Variants in MCTP1 observed in about 807,000 individuals in gnomAD.
MCTP1 encodes multiple C2 and transmembrane domain-containing protein 1.
MCTP1 carries 69 observed loss-of-function variants against 120.6 expected under a neutral mutation model. The ratio of observed to expected loss-of-function variants is 0.57; its 90% CI spans 0.47 to 0.70. The LOEUF is 0.70. Among genes scored for constraint, MCTP1 ranks in the 30% least tolerant of loss-of-function variants. MCTP1 has a pLI of 0.00. For missense variants in MCTP1, 1,203 were observed against 1,248.8 expected, an observed-to-expected ratio of 0.96 and a Z score of 0.55; for synonymous variants, 529 against 493.1, an observed-to-expected ratio of 1.07 and a Z score of -0.96.
intron 2 of MCTP1, among the ~76,000 whole-genome samples, chr5:94,961,305 G>C (rs1421942439): frequency 6.6e-6 from 1 of 152,092 alleles, no homozygotes; most frequent in Non-Finnish European, 1.5e-5. Context: ...ATAGCATTAG[G>C]AGAAACAGCT....
chr5:95,214,217 C>T (rs1752763676), intron 1 of MCTP1, among the ~76,000 whole-genome samples: 2 of 152,268 alleles, frequency 1.3e-5, no homozygotes, highest in Non-Finnish European at 2.9e-5. Flanking sequence ...TATGAACAGA[C>T]ACTTCTCAAA....
At chr5:94,736,270 C>T (rs993925106) in intron 19 of MCTP1, among the ~76,000 whole-genome samples, 2 of 152,130 alleles carry the variant, frequency 1.3e-5, no homozygotes, top group South Asian at 2.1e-4. Flanking sequence ...AGGAGGATTG[C>T]TTAAGCTCAG....
intron 1 of MCTP1, among the ~76,000 whole-genome samples, chr5:95,192,364 T>C (rs10072003): frequency 0.16 from 24,440 of 151,932 alleles, 2,443 homozygotes; most frequent in Non-Finnish European, 0.22. Flanking sequence ...TTTCCATTTT[T>C]CCCCTGGCTG....
intron 1 of MCTP1, chr5:95,081,323 T>C: frequency 1.1e-6 from 1 of 923,918 alleles, no homozygotes; most frequent in Non-Finnish European, 1.7e-6. Flanking sequence ...CAACCTTCAA[T>C]ACCCCGTGAG....
chr5:94,968,812 T>C (rs1221595823), intron 2 of MCTP1, among the ~76,000 whole-genome samples: 1 of 152,216 alleles, frequency 6.6e-6, no homozygotes, highest in Non-Finnish European at 1.5e-5. Context: ...ATATGCTTTG[T>C]TGTTATTATC....
chr5:95,063,473 G>A lies in MCTP1; in HGVS notation c.721-45989C>T, dbSNP rs552369511. ...CTTAGCCAAAGCCAAAATGTTACAC[G>A]TTAACACAGAAGCTAATTCCAGGAT... On this transcript the variant is annotated intron_variant, in intron 1 of 22. Transcript: ENST00000515393. Among the ~76,000 whole-genome samples the A allele has an allele frequency of 9.7e-4, 147 of 152,298 alleles. 1 individual carries two copies. The highest frequency in any genetic ancestry group is 3.4e-4 in the Non-Finnish European group (23 of 68,024).
At chr5:95,045,159 T>C (rs1842960492) in intron 1 of MCTP1, among the ~76,000 whole-genome samples, 1 of 152,172 alleles carries the variant, frequency 6.6e-6, no homozygotes, top group South Asian at 2.1e-4. Context: ...AGGAACTTTA[T>C]ACTTTTATCT....
chr5:94,921,303 A>T (rs899697925), intron 7 of MCTP1, among the ~76,000 whole-genome samples: 1 of 152,214 alleles, frequency 6.6e-6, no homozygotes, highest in Non-Finnish European at 1.5e-5. Flanking sequence ...GTTTTCAGAC[A>T]ATTAGACTAT....
At chr5:94,819,955 T>C (rs997907441) in intron 17 of MCTP1, among the ~76,000 whole-genome samples, 1 of 152,240 alleles carries the variant, frequency 6.6e-6, no homozygotes, top group Non-Finnish European at 1.5e-5. Context: ...TTCTGTGTTA[T>C]CTTGAATTGG....
intron 2 of MCTP1, among the ~76,000 whole-genome samples, chr5:94,990,428 T>A (rs1450479745): frequency 6.6e-6 from 1 of 152,218 alleles, no homozygotes; most frequent in African/African-American, 2.4e-5. Flanking sequence ...TTCAGTTCTT[T>A]ACGGTTGTAG....
In MCTP1 at chr5:95,087,299, A is replaced by G. The variant is rs1000180006; in HGVS notation, c.721-69815T>C. Among the ~76,000 whole-genome samples the G allele has an allele frequency of 2.6e-5, 4 of 152,242 alleles. 1 individual carries two copies. In the South Asian group the frequency reaches 8.3e-4, roughly 31 times the overall value. ...TTAAACTTTGAAATAAATATATAGC[A>G]GGCCAGCACATAGATAGATAAAGGC... On this transcript the variant is annotated intron_variant, in intron 1 of 22. Coordinates refer to ENST00000515393, the MANE Select transcript of MCTP1 (RefSeq NM_024717.7).
intron 1 of MCTP1, among the ~76,000 whole-genome samples, chr5:95,215,876 G>A (rs554609962): frequency 8.7e-4 from 133 of 152,120 alleles, no homozygotes; most frequent in African/African-American, 3.2e-3. Context: ...CAGACACTTT[G>A]ACTAACATTA....
intron 19 of MCTP1, among the ~76,000 whole-genome samples, chr5:94,744,416 A>G (rs1025684687): frequency 6.6e-6 from 1 of 152,254 alleles, no homozygotes; most frequent in Non-Finnish European, 1.5e-5. Context: ...TTAGATGGAC[A>G]GGGGATTTAG....
In MCTP1 at chr5:94,703,966, C is replaced by T. The variant is rs1753985949; in HGVS notation, c.*3530G>A. The T allele has an allele frequency of 6.7e-6, 1 of 148,460 alleles. No homozygotes were observed. The highest frequency in any genetic ancestry group is 1.5e-5 in the Non-Finnish European group (1 of 66,960). The allele number at this position is 148,460 out of a possible 1,614,324, so 9.2% of individuals were successfully genotyped here. ...CCACTATATAAAAGAAACTGAGGTA[C>T]CAGAGGGTAACATTTTCACCAAAAA... is the stretch of plus-strand genomic sequence containing the variant. On this transcript the variant is annotated 3_prime_UTR_variant, in exon 23 of 23. Coordinates refer to ENST00000515393, the MANE Select transcript of MCTP1 (RefSeq NM_024717.7).
chr5:94,843,081 T>C (rs759670481), intron 17 of MCTP1, among the ~76,000 whole-genome samples: 2 of 151,896 alleles, frequency 1.3e-5, no homozygotes, highest in South Asian at 4.2e-4. Flanking sequence ...AAAAATTCTA[T>C]GAAATATATT....
At chr5:94,943,201 G>A (rs1485601773) in intron 3 of MCTP1, among the ~76,000 whole-genome samples, 2 of 152,024 alleles carry the variant, frequency 1.3e-5, no homozygotes, top group Non-Finnish European at 2.9e-5. Flanking sequence ...AGGTGTGTGG[G>A]GAGCTGCTAT....
intron 1 of MCTP1, among the ~76,000 whole-genome samples, chr5:95,074,353 C>A (rs914308260): frequency 2.0e-5 from 3 of 152,150 alleles, no homozygotes; most frequent in Non-Finnish European, 2.9e-5. Flanking sequence ...GTGTGGCCAC[C>A]CAACTTCTGG....
intron 1 of MCTP1, among the ~76,000 whole-genome samples, chr5:95,106,617 C>G (rs1757108161): frequency 6.6e-6 from 1 of 152,158 alleles, no homozygotes; most frequent in African/African-American, 2.4e-5. Flanking sequence ...CCTGTATTTC[C>G]ATTCGCTTCA....
intron 1 of MCTP1, among the ~76,000 whole-genome samples, chr5:95,238,438 A>G (rs558372158): frequency 2.2e-4 from 34 of 152,290 alleles, no homozygotes; most frequent in African/African-American, 7.9e-4. Context: ...ATACTTTTGC[A>G]TGGGGGCTAA....
Sources: allele counts gnomAD v4.1 joint callset (sites outside exome capture counted in the v4.1 genomes callset), GRCh38; gene constraint gnomAD v4.1.1; transcripts MANE v1.5; gene names NCBI Gene and HGNC (gene_info 2026-07-23, HGNC 2026-07-21).